GABRB3: variants seen among roughly 807,000 people sequenced by gnomAD.
GABRB3 encodes the protein gamma-aminobutyric acid receptor subunit beta-3.
Under a neutral mutation model 52.1 loss-of-function variants are expected in GABRB3, and 14 were observed. The ratio of observed to expected loss-of-function variants is 0.27; its 90% CI spans 0.18 to 0.42. The LOEUF is 0.42. Among genes scored for constraint, GABRB3 ranks in the 10% least tolerant of loss-of-function variants. The pLI, the probability that GABRB3 is intolerant of heterozygous loss-of-function variation, is 1.00. For synonymous variants in GABRB3, 260 were observed against 232.3 expected (o/e 1.12, Z -1.08); for missense variants, 307 against 609.1 (o/e 0.50, Z 5.22).
rs1889147959 is a variant in GABRB3, at chr15:26,544,402, G to GTACT, written c.*3390_*3391insAGTA. The GTACT allele has an allele frequency of 6.6e-6, 1 of 152,616 alleles. No homozygotes were observed. The highest frequency in any genetic ancestry group is 2.1e-4 in the South Asian group (1 of 4,830). The allele number at this position is 152,616 out of a possible 1,614,324, so 9.5% of individuals were successfully genotyped here. On this transcript the variant is annotated 3_prime_UTR_variant, in exon 9 of 9. Transcript: ENST00000311550. ...AACGCTGTGTTTGGACAAGAGAGAA[G>GTACT]TGCCTTTCAGGGAGTGACTGAACAT...
At chr15:26,753,205 C>T (rs761150434) in intron 3 of GABRB3, among the ~76,000 whole-genome samples, 34 of 152,098 alleles carry the variant, frequency 2.2e-4, no homozygotes, top group African/African-American at 7.7e-4. Context: ...GTCCCGTCAC[C>T]GCAGACACTG....
intron 4 of GABRB3, chr15:26,615,141 GGAT>G (rs1380715795): frequency 3.5e-6 from 1 of 283,488 alleles, no homozygotes; most frequent in Admixed American, 6.5e-5. Flanking sequence ...TTAGGAAAAG[GGAT>G]GATAACTCTG....
chr15:26,677,109 A>G (rs1888093597), intron 3 of GABRB3, among the ~76,000 whole-genome samples: 1 of 152,072 alleles, frequency 6.6e-6, no homozygotes, highest in South Asian at 2.1e-4. Flanking sequence ...TGACCTCTAT[A>G]TTACTTTTAT....
In GABRB3 at chr15:26,656,239, TGTC is replaced by T. The variant is rs1167158909; in HGVS notation, c.241-34708_241-34706del. 2.6e-5 allele frequency among the ~76,000 whole-genome samples: 4 copies of T among 152,164 alleles called. No individual in the cohort carries two copies. The East Asian group carries it at 7.7e-4, about 29-fold the overall frequency. Reference sequence around the variant, plus strand: ...CACACTTGTAAAAAAGGGAGCCAGTTGTCGTCTCTCATTTCCCTCCAGCTCCGG... The same window carrying T: ...CACACTTGTAAAAAAGGGAGCCAGTTGTCTCTCATTTCCCTCCAGCTCCGG... On this transcript the variant is annotated intron_variant, in intron 3 of 8. Coordinates refer to ENST00000311550, the MANE Select transcript of GABRB3 (RefSeq NM_000814.6).
At chr15:26,712,915 A>G (rs1220427731) in intron 3 of GABRB3, among the ~76,000 whole-genome samples, 2 of 152,192 alleles carry the variant, frequency 1.3e-5, no homozygotes, top group Admixed American at 1.3e-4. Context: ...CAGCCACAGG[A>G]AGCAGCACAC....
intron 6 of GABRB3, among the ~76,000 whole-genome samples, chr15:26,577,751 T>G (rs1200534017): frequency 1.3e-5 from 2 of 152,204 alleles, no homozygotes; most frequent in East Asian, 3.9e-4. Flanking sequence ...CATCATAGTC[T>G]GGTCCTAATA....
At chr15:26,551,101 C>T (rs1036124806) in intron 8 of GABRB3, among the ~76,000 whole-genome samples, 9 of 152,290 alleles carry the variant, frequency 5.9e-5, no homozygotes, top group African/African-American at 1.7e-4. Context: ...TTATCACTTT[C>T]GTATCCTCTT....
At chr15:26,679,065 G>T (rs1595525927) in intron 3 of GABRB3, among the ~76,000 whole-genome samples, 1 of 152,106 alleles carries the variant, frequency 6.6e-6, no homozygotes, top group Non-Finnish European at 1.5e-5. Flanking sequence ...AAGACCTCCA[G>T]CATCCGCCCC....
rs1398447194 is a variant in GABRB3, at chr15:26,567,693, C to T, written c.723G>A (p.Arg241=). The change falls in exon 7 of 9, where the codon AGG becomes AGA. Residue 241 remains arginine, a synonymous_variant. Transcript: ENST00000311550. Reference sequence around the variant, plus strand: ...TCTGAAGAATGAAGTATCCAATGTTCCTCTTCAACCGAAAGCTCAGTGACA... The same window carrying T: ...TCTGAAGAATGAAGTATCCAATGTTTCTCTTCAACCGAAAGCTCAGTGACA... ...PRLSLSFRLK[R]NIGYFILQTY... 2.5e-6 allele frequency: 4 copies of T among 1,613,960 alleles called. No homozygotes were observed. The highest frequency in any genetic ancestry group is 2.2e-5 in the South Asian group (2 of 91,088).
At chr15:26,768,230 G>T (rs763614436) in intron 3 of GABRB3, among the ~76,000 whole-genome samples, 1 of 152,068 alleles carries the variant, frequency 6.6e-6, no homozygotes. Context: ...CTTTCATTAG[G>T]ATTGAGTTAA....
Position 26,759,370 on chromosome 15 carries a change from C to A in GABRB3, c.240+13032G>T, listed in dbSNP as rs1467735923. ...CCCGGGTGCCAGTTCAAGCAATTCT[C>A]CTGCCTCAGCCCCCTGAGTAGCTGG... On this transcript the variant is annotated intron_variant, in intron 3 of 8. Coordinates refer to ENST00000311550, the MANE Select transcript of GABRB3 (RefSeq NM_000814.6). Among the ~76,000 whole-genome samples, 3 of 152,200 alleles carry A rather than the reference C, an allele frequency of 2.0e-5. No individual in the cohort carries two copies. The East Asian group carries it at 5.8e-4, about 29-fold the overall frequency.
At chr15:26,653,663 T>C (rs1200220349) in intron 3 of GABRB3, among the ~76,000 whole-genome samples, 1 of 152,206 alleles carries the variant, frequency 6.6e-6, no homozygotes, top group Non-Finnish European at 1.5e-5. Context: ...ATATTGGCTG[T>C]ATCTGGGCAG....
intron 3 of GABRB3, among the ~76,000 whole-genome samples, chr15:26,659,437 G>A (rs540626139): frequency 3.3e-4 from 50 of 152,128 alleles, no homozygotes; most frequent in African/African-American, 8.9e-4. Context: ...CAGGAGAATC[G>A]CTTAAACCCA....
Position 26,568,081 on chromosome 15 carries a change from G to A in GABRB3, c.683-348C>T, listed in dbSNP as rs1030636221. On this transcript the variant is annotated intron_variant, in intron 6 of 8. Transcript: ENST00000311550. ...TATCCCCTTCTTCCTTGTAGACAGC[G>A]GAGATGTGGCTCAAGGCTTTACTGG... 7.9e-5 allele frequency among the ~76,000 whole-genome samples: 12 copies of A among 152,194 alleles called. 1 individual carries two copies. The highest frequency in any genetic ancestry group is 4.1e-4 in the South Asian group (2 of 4,830).
chr15:26,594,073 T>G (rs1891307400), intron 4 of GABRB3, among the ~76,000 whole-genome samples: 1 of 149,308 alleles, frequency 6.7e-6, no homozygotes, highest in South Asian at 2.2e-4. Flanking sequence ...AAAACCACAA[T>G]GAAGTACTAT....
chr15:26,559,564 G>A (rs1032752656), intron 8 of GABRB3, among the ~76,000 whole-genome samples: 1 of 152,198 alleles, frequency 6.6e-6, no homozygotes, highest in Admixed American at 6.5e-5. Context: ...ATATACTTGA[G>A]GATTTGAGGG....
intron 6 of GABRB3, among the ~76,000 whole-genome samples, chr15:26,579,298 G>A (rs1221669875): frequency 6.6e-6 from 1 of 152,174 alleles, no homozygotes; most frequent in Non-Finnish European, 1.5e-5. Flanking sequence ...GCTGGAAGGT[G>A]GTCAGTACTG....
chr15:26,724,094 T>G (rs960523680), intron 3 of GABRB3, among the ~76,000 whole-genome samples: 5 of 152,180 alleles, frequency 3.3e-5, no homozygotes, highest in African/African-American at 9.7e-5. Context: ...AAGCTTTTCA[T>G]ATTCATTTTT....
intron 4 of GABRB3, among the ~76,000 whole-genome samples, chr15:26,604,787 A>C (rs1290526562): frequency 1.3e-5 from 2 of 152,124 alleles, no homozygotes; most frequent in Admixed American, 1.3e-4. Context: ...AAACACTTAA[A>C]TACAAGACCT....
Sources: allele counts gnomAD v4.1 joint callset (sites outside exome capture counted in the v4.1 genomes callset), GRCh38; gene constraint gnomAD v4.1.1; transcripts MANE v1.5; gene names NCBI Gene and HGNC (gene_info 2026-07-23, HGNC 2026-07-21).